The following KCNJ6 variants were observed in gnomAD, a reference collection of about 807,000 sequenced individuals.
The protein encoded by KCNJ6 is potassium inwardly rectifying channel subfamily J member 6.
Under a neutral mutation model 34.2 loss-of-function variants are expected in KCNJ6, and 9 were observed. The ratio of observed to expected loss-of-function variants is 0.26; its 90% CI spans 0.16 to 0.46. The LOEUF (loss-of-function observed/expected upper bound fraction) is 0.46, where lower values mean the gene tolerates loss of function less well. Among genes scored for constraint, KCNJ6 ranks in the 20% least tolerant of loss-of-function variants. The probability of loss-of-function intolerance (pLI) is 1.00; values close to 1 mark genes in which losing one functional copy is unlikely to be tolerated. For synonymous variants in KCNJ6, 196 were observed against 207.1 expected (o/e 0.95, Z 0.46); for missense variants, 236 against 531.3 (o/e 0.44, Z 5.46).
chr21:37,612,208 T>C lies in KCNJ6; in HGVS notation c.*12951A>G, dbSNP rs1388827133. ...ATACAAAGTCAATTGTTTTCCTATA[T>C]ACCGGCAATGAATAAGTGAAATTTG... On this transcript the variant is annotated 3_prime_UTR_variant, in exon 4 of 4. Transcript: ENST00000609713. The C allele has an allele frequency of 6.6e-6, 1 of 152,194 alleles. No individual in the cohort carries two copies. Among genetic ancestry groups the C allele is most frequent in the Non-Finnish European group, 1.5e-5 (1 of 68,022 alleles). 9.4% of individuals were successfully genotyped at this position (152,194 alleles called of 1,614,324 possible).
chr21:37,849,848 A>G (rs1418694408), intron 1 of KCNJ6, among the ~76,000 whole-genome samples: 1 of 152,256 alleles, frequency 6.6e-6, no homozygotes, highest in Non-Finnish European at 1.5e-5. Flanking sequence ...AGAGCAAGTC[A>G]GAGGAAATAG....
chr21:37,840,835 TAAATG>T (rs2123578348), intron 1 of KCNJ6, 126 bp from the exon 2 acceptor site: 1 of 581,586 alleles, frequency 1.7e-6, no homozygotes, highest in Admixed American at 2.8e-5. Flanking sequence ...TTCCAATAAT[TAAATG>T]AATAAAAAAC....
chr21:37,744,082 T>C (rs910866881), intron 2 of KCNJ6, among the ~76,000 whole-genome samples: 37 of 145,162 alleles, frequency 2.5e-4, no homozygotes, highest in African/African-American at 9.2e-4. Flanking sequence ...AAACACCGCA[T>C]GTTCTCACTC....
intron 2 of KCNJ6, among the ~76,000 whole-genome samples, chr21:37,740,479 C>G (rs939743993): frequency 6.6e-6 from 1 of 152,194 alleles, no homozygotes; most frequent in Non-Finnish European, 1.5e-5. Context: ...CATTCTAAAT[C>G]TACCTATAAA....
At chr21:37,722,875 C>T (rs1367598111) in intron 2 of KCNJ6, among the ~76,000 whole-genome samples, 4 of 152,050 alleles carry the variant, frequency 2.6e-5, no homozygotes, top group Non-Finnish European at 5.9e-5. Context: ...CATCAGCCTT[C>T]GGAAAGAATA....
At chr21:37,905,927 G>A (rs571590499) in intron 1 of KCNJ6, among the ~76,000 whole-genome samples, 1 of 152,304 alleles carries the variant, frequency 6.6e-6, no homozygotes, top group Admixed American at 6.5e-5. Flanking sequence ...GAAAGTAAAT[G>A]TTATATAGTT....
chr21:37,650,454 G>A (rs977452581), intron 3 of KCNJ6, among the ~76,000 whole-genome samples: 5 of 152,156 alleles, frequency 3.3e-5, no homozygotes, highest in Admixed American at 1.3e-4. Flanking sequence ...TGTGTAGTGC[G>A]TTATAACTGC....
intron 3 of KCNJ6, among the ~76,000 whole-genome samples, chr21:37,705,681 A>G (rs73414192): frequency 0.027 from 4,063 of 152,290 alleles, 164 homozygotes; most frequent in African/African-American, 0.086. Context: ...GATATACTCA[A>G]TCACAGGGAT....
chr21:37,892,089 C>T (rs944916707), intron 1 of KCNJ6, among the ~76,000 whole-genome samples: 4 of 152,224 alleles, frequency 2.6e-5, no homozygotes, highest in Admixed American at 2.6e-4. Flanking sequence ...TCAACCCTGG[C>T]TGCCTGCTAC....
intron 1 of KCNJ6, among the ~76,000 whole-genome samples, chr21:37,901,470 A>G (rs980054253): frequency 6.6e-5 from 10 of 152,216 alleles, no homozygotes; most frequent in African/African-American, 1.9e-4. Context: ...CCACACATGT[A>G]TCTACAGACA....
chr21:37,869,433 T>C (rs2055639273), intron 1 of KCNJ6, among the ~76,000 whole-genome samples: 1 of 152,280 alleles, frequency 6.6e-6, no homozygotes, highest in Admixed American at 6.5e-5. Context: ...GTTTTAAATG[T>C]ACAACCATTT....
At position 37,842,508 on chromosome 21, in the gene KCNJ6, G is replaced by T. The variant is rs554570040; in HGVS notation, c.-27-1799C>A. On this transcript the variant is annotated intron_variant, in intron 1 of 3. Transcript: ENST00000609713. ...TCCACAGCCCTGTATTCATGACAAC[G>T]AAATCAGCACGCTGCCTCTTACTTA... 5.3e-5 allele frequency among the ~76,000 whole-genome samples: 8 copies of T among 152,300 alleles called. No individual in the cohort carries two copies. The South Asian group carries it at 1.7e-3, about 32-fold the overall frequency.
At chr21:37,879,894 C>T (rs565139292) in intron 1 of KCNJ6, among the ~76,000 whole-genome samples, 14 of 151,804 alleles carry the variant, frequency 9.2e-5, no homozygotes, top group East Asian at 5.8e-4. Flanking sequence ...GGGTCCAAAA[C>T]GGAAGTAAAA....
intron 1 of KCNJ6, among the ~76,000 whole-genome samples, chr21:37,849,805 T>G (rs2055528453): frequency 6.6e-6 from 1 of 152,230 alleles, no homozygotes; most frequent in Admixed American, 6.5e-5. Flanking sequence ...ATGTAGGACT[T>G]GTCATTCTTG....
At chr21:37,659,069 G>T (rs2054476745) in intron 3 of KCNJ6, among the ~76,000 whole-genome samples, 1 of 152,242 alleles carries the variant, frequency 6.6e-6, no homozygotes, top group Non-Finnish European at 1.5e-5. Flanking sequence ...GGAATGCTTT[G>T]CTACTTTGTA....
chr21:37,743,675 A>G (rs1275578524), intron 2 of KCNJ6, among the ~76,000 whole-genome samples: 2 of 152,052 alleles, frequency 1.3e-5, no homozygotes, highest in African/African-American at 4.8e-5. Flanking sequence ...TAGCCCCTCC[A>G]TCTTAGACTT....
chr21:37,706,192 T>G (rs900636046), intron 3 of KCNJ6, among the ~76,000 whole-genome samples: 7 of 152,180 alleles, frequency 4.6e-5, no homozygotes, highest in Admixed American at 2.0e-4. Context: ...AATAGGGAAA[T>G]GCAATCTAAT....
rs548616702 is a variant in KCNJ6 at position 37,624,842 on chromosome 21, T to C, written c.*317A>G. 2 of 319,732 alleles carry C rather than the reference T, an allele frequency of 6.3e-6. No individual in the cohort carries two copies. Among genetic ancestry groups the C allele is most frequent in the African/African-American group, 4.3e-5 (2 of 46,870 alleles). 19.8% of individuals were successfully genotyped at this position (319,732 alleles called of 1,614,324 possible). A position where few individuals can be genotyped will look rare whatever the true frequency, so the allele number is the denominator to read the frequency against. On this transcript the variant is annotated 3_prime_UTR_variant, in exon 4 of 4. Transcript: ENST00000609713. The stretch of plus-strand genomic sequence containing the variant: ...CTTTGACACACCTTTTTGAGTGATC[T>C]GGTATTGTACAACACATGCAGGTAA...
intron 2 of KCNJ6, among the ~76,000 whole-genome samples, chr21:37,761,426 TTG>T (rs560752866): frequency 6.4e-4 from 97 of 150,834 alleles, no homozygotes; most frequent in African/African-American, 2.3e-3. Context: ...GGTGTGTGTG[TTG>T]TGTTGTGTGT....
Sources: allele counts gnomAD v4.1 joint callset (sites outside exome capture counted in the v4.1 genomes callset), GRCh38; gene constraint gnomAD v4.1.1; transcripts MANE v1.5; gene names NCBI Gene and HGNC (gene_info 2026-07-23, HGNC 2026-07-21).